The following HS6ST3 variants were observed in gnomAD, a reference collection of about 807,000 sequenced individuals.
The protein encoded by HS6ST3 is heparan sulfate 6-O-sulfotransferase 3.
Under a neutral mutation model 36.7 loss-of-function variants are expected in HS6ST3, and 12 were observed. The ratio of observed to expected loss-of-function variants is 0.33; its 90% CI spans 0.21 to 0.53. HS6ST3 has a LOEUF of 0.53. HS6ST3 is among the 20% of genes least tolerant of loss of function. The pLI, the probability that HS6ST3 is intolerant of heterozygous loss-of-function variation, is 0.95. For synonymous variants in HS6ST3, 240 were observed against 257.5 expected (o/e 0.93, Z 0.65); for missense variants, 584 against 640.9 (o/e 0.91, Z 0.96).
chr13:96,703,981 T>C (rs1347642245), intron 1 of HS6ST3, among the ~76,000 whole-genome samples: 2 of 152,208 alleles, frequency 1.3e-5, no homozygotes, highest in African/African-American at 2.4e-5. Context: ...CCTTCCACCA[T>C]GATTCTAAGT....
intron 1 of HS6ST3, among the ~76,000 whole-genome samples, chr13:96,209,037 T>C (rs1218000326): frequency 6.6e-6 from 1 of 152,210 alleles, no homozygotes; most frequent in Admixed American, 6.5e-5. Flanking sequence ...ACAGATAATT[T>C]CGGATTTTGA....
At chr13:96,587,967 C>T (rs2056368114) in intron 1 of HS6ST3, among the ~76,000 whole-genome samples, 1 of 152,032 alleles carries the variant, frequency 6.6e-6, no homozygotes. Context: ...AGATATTTTA[C>T]CTGCTTGGTT....
intron 1 of HS6ST3, among the ~76,000 whole-genome samples, chr13:96,319,326 G>T (rs1413710786): frequency 6.6e-6 from 1 of 152,126 alleles, no homozygotes; most frequent in Admixed American, 6.5e-5. Context: ...GCTTATAACG[G>T]CACTTCATTT....
intron 1 of HS6ST3, among the ~76,000 whole-genome samples, chr13:96,496,068 G>A (rs1008531420): frequency 6.6e-6 from 1 of 152,194 alleles, no homozygotes; most frequent in African/African-American, 2.4e-5. Context: ...AGGAAGCAGG[G>A]TGAGAAGTGA....
At chr13:96,160,570 G>A (rs1244368868) in intron 1 of HS6ST3, among the ~76,000 whole-genome samples, 1 of 152,168 alleles carries the variant, frequency 6.6e-6, no homozygotes, top group Non-Finnish European at 1.5e-5. Context: ...AAGAAGAGTT[G>A]AATGCTGCTA....
chr13:96,815,889 G>A (rs141797980), intron 1 of HS6ST3, among the ~76,000 whole-genome samples: 88 of 152,260 alleles, frequency 5.8e-4, no homozygotes, highest in African/African-American at 1.9e-3. Flanking sequence ...CCCATGAGCC[G>A]CTAAGAATCT....
chr13:96,139,207 A>G (rs899041720), intron 1 of HS6ST3, among the ~76,000 whole-genome samples: 1 of 152,064 alleles, frequency 6.6e-6, no homozygotes, highest in Non-Finnish European at 1.5e-5. Context: ...AACGCTTTGG[A>G]TATTAATATA....
intron 1 of HS6ST3, among the ~76,000 whole-genome samples, chr13:96,619,098 C>A (rs1212105736): frequency 1.3e-5 from 2 of 151,542 alleles, no homozygotes; most frequent in Non-Finnish European, 2.9e-5. Context: ...AAATTGTATT[C>A]TTTGCCCTCT....
intron 1 of HS6ST3, chr13:96,574,042 A>G (rs2056311813): frequency 1.8e-5 from 10 of 543,422 alleles, no homozygotes; most frequent in Admixed American, 1.2e-4. Context: ...TCTTTGTGAC[A>G]TGGAAGACAG....
intron 1 of HS6ST3, among the ~76,000 whole-genome samples, chr13:96,755,972 A>G (rs1876819457): frequency 6.6e-6 from 1 of 152,150 alleles, no homozygotes; most frequent in South Asian, 2.1e-4. Context: ...TTTGCTTCAC[A>G]TTCTTGCCAC....
chr13:96,208,928 G>A (rs1194224393), intron 1 of HS6ST3, among the ~76,000 whole-genome samples: 5 of 152,172 alleles, frequency 3.3e-5, no homozygotes, highest in Non-Finnish European at 7.3e-5. Flanking sequence ...GGGAAAATTA[G>A]CAGGCACCTT....
At chr13:96,375,840 A>G (rs1363409931) in intron 1 of HS6ST3, among the ~76,000 whole-genome samples, 1 of 152,204 alleles carries the variant, frequency 6.6e-6, no homozygotes, top group African/African-American at 2.4e-5. Context: ...TGTTTGTGAC[A>G]CTAGCATTTC....
intron 1 of HS6ST3, among the ~76,000 whole-genome samples, chr13:96,373,509 GTTAC>G (rs1037962812): frequency 3.9e-5 from 6 of 152,302 alleles, no homozygotes; most frequent in Admixed American, 2.6e-4. Context: ...AAATGTGATT[GTTAC>G]TTAAATAATT....
chr13:96,597,187 G>A (rs1566407229), intron 1 of HS6ST3, among the ~76,000 whole-genome samples: 1 of 152,044 alleles, frequency 6.6e-6, no homozygotes, highest in Non-Finnish European at 1.5e-5. Context: ...GGAGCCTACT[G>A]GAGGGCGAAG....
chr13:96,283,084 C>A (rs2054783508), intron 1 of HS6ST3, among the ~76,000 whole-genome samples: 1 of 152,178 alleles, frequency 6.6e-6, no homozygotes, highest in South Asian at 2.1e-4. Flanking sequence ...CTATCCCAGA[C>A]TCAATGTTTG....
chr13:96,658,268 C>T (rs200674206), intron 1 of HS6ST3, among the ~76,000 whole-genome samples: 21 of 76,172 alleles, frequency 2.8e-4, no homozygotes, highest in East Asian at 2.6e-3. Flanking sequence ...TCTTCTTCTT[C>T]TTTTTTTTTT....
At chr13:96,830,622 G>C (rs575969887) in intron 1 of HS6ST3, among the ~76,000 whole-genome samples, 1 of 152,300 alleles carries the variant, frequency 6.6e-6, no homozygotes, top group South Asian at 2.1e-4. Context: ...GTTGAGGACA[G>C]GCATGCTGGG....
chr13:96,472,520 A>G (rs1455855544), intron 1 of HS6ST3, among the ~76,000 whole-genome samples: 5 of 152,204 alleles, frequency 3.3e-5, no homozygotes, highest in Admixed American at 3.3e-4. Context: ...CCATGATTCC[A>G]TGAAACACAC....
chr13:96,139,542 A>C (rs529826071), intron 1 of HS6ST3, among the ~76,000 whole-genome samples: 162 of 10,300 alleles, frequency 0.016, no homozygotes, highest in Middle Eastern at 0.062. Context: ...TAAGATTCAG[A>C]AAAAAAAAAA....
Sources: gnomAD v4.1 joint callset for allele counts (sites outside exome capture counted in the v4.1 genomes callset) on GRCh38, gnomAD v4.1.1 for gene constraint, MANE v1.5 for transcripts, NCBI Gene and HGNC (gene_info 2026-07-23, HGNC 2026-07-21) for gene names.